VGLL4: variants seen among roughly 807,000 people sequenced by gnomAD.
VGLL4 encodes transcription cofactor vestigial-like protein 4.
In VGLL4, 7 loss-of-function variants were observed where a neutral mutation model predicts 21.0. The ratio of observed to expected loss-of-function variants is 0.33; its 90% CI spans 0.19 to 0.63. VGLL4 has a LOEUF of 0.63. Ranked by LOEUF, VGLL4 falls within the 20% of genes least tolerant of loss-of-function variation. VGLL4 has a pLI of 0.78. For synonymous variants in VGLL4, 222 were observed against 173.2 expected (o/e 1.28, Z -2.21); for missense variants, 394 against 425.7 (o/e 0.93, Z 0.66).
rs1264182714 is a variant in VGLL4, at chr3:11,649,894, TATTTG to T, written c.65-47877_65-47873del. 3.0e-4 allele frequency among the ~76,000 whole-genome samples: 40 copies of T among 134,996 alleles called. 1 individual carries two copies. Among genetic ancestry groups the T allele is most frequent in the African/African-American group, 1.2e-3 (38 of 31,872 alleles). 88.6% of individuals were successfully genotyped at this position (134,996 alleles called of 152,430 possible). On this transcript the variant is annotated intron_variant, in intron 2 of 5. Transcript: ENST00000273038. ...ACTCCCCCACAGCACACAAGTGCTC[TATTTG>T]GTTTGGTTTGGTTTGGTTTGGTTTG... is the stretch of plus-strand genomic sequence containing the variant.
intron 2 of VGLL4, among the ~76,000 whole-genome samples, chr3:11,594,535 C>T (rs1384959165): frequency 6.6e-6 from 1 of 152,206 alleles, no homozygotes; most frequent in African/African-American, 2.4e-5. Flanking sequence ...AGGTGACAAC[C>T]TCTTCATTTC....
chr3:11,637,983 T>C (rs2075619837), intron 1 of VGLL4, among the ~76,000 whole-genome samples: 1 of 152,224 alleles, frequency 6.6e-6, no homozygotes, highest in South Asian at 2.1e-4. Flanking sequence ...AAACGTCAGA[T>C]ACTTTGAGAT....
intron 2 of VGLL4, among the ~76,000 whole-genome samples, chr3:11,682,480 T>G (rs2076390158): frequency 6.7e-6 from 1 of 149,654 alleles, no homozygotes; most frequent in African/African-American, 2.5e-5. Context: ...CAGGAGGCTG[T>G]GACACAAGAA....
At position 11,714,503 on chromosome 3, in the gene VGLL4, C is replaced by A. The variant is rs762380552; in HGVS notation, c.-14+5891G>T. On this transcript the variant is annotated intron_variant, in intron 1 of 5. Transcript: ENST00000273038. ...GCCAGAGGTTCGAGTCCAGACTGGCCTACATGGTGAAATCCCATTTCTACT... is the reference window on the plus strand; with the variant it reads ...GCCAGAGGTTCGAGTCCAGACTGGCATACATGGTGAAATCCCATTTCTACT... Among the ~76,000 whole-genome samples the A allele has an allele frequency of 7.4e-5, 11 of 149,340 alleles. No individual in the cohort carries two copies. The South Asian group carries it at 2.3e-3, about 32-fold the overall frequency.
intron 2 of VGLL4, among the ~76,000 whole-genome samples, chr3:11,678,799 G>C (rs915774387): frequency 6.6e-6 from 1 of 152,200 alleles, no homozygotes; most frequent in Non-Finnish European, 1.5e-5. Context: ...TTCCTAAGAA[G>C]TGCCATCTAA....
intron 1 of VGLL4, among the ~76,000 whole-genome samples, chr3:11,711,222 T>C (rs1347873308): frequency 2.0e-5 from 3 of 151,476 alleles, no homozygotes; most frequent in Non-Finnish European, 4.4e-5. Context: ...CTGGGCAACA[T>C]GGCAAAACCT....
chr3:11,718,122 G>C (rs991397452), intron 1 of VGLL4, among the ~76,000 whole-genome samples: 3 of 152,316 alleles, frequency 2.0e-5, no homozygotes, highest in Admixed American at 6.5e-5. Flanking sequence ...GAAAGCAAAG[G>C]CAGGCTGCCC....
At chr3:11,621,146 T>C (rs1559905159) in intron 1 of VGLL4, among the ~76,000 whole-genome samples, 1 of 152,250 alleles carries the variant, frequency 6.6e-6, no homozygotes, top group Non-Finnish European at 1.5e-5. Flanking sequence ...TTCTCCACAT[T>C]AAGTCTCCAA....
chr3:11,565,069 G>A lies in VGLL4; in HGVS notation c.273-50C>T, dbSNP rs1179930372. 7.0e-7 allele frequency: 1 copy of A among 1,433,436 alleles called. No individual in the cohort carries two copies. Among genetic ancestry groups the A allele is most frequent in the Non-Finnish European group, 9.2e-7 (1 of 1,086,790 alleles). The allele number at this position is 1,433,436 out of a possible 1,614,324, so 88.8% of individuals were successfully genotyped here. ...GGGGGCGTTTTCTCAAAGGCAAAGG[G>A]GACAGTGACTGTGCGCCAGGCACTC... On this transcript the variant is annotated intron_variant, in intron 2 of 4. Coordinates refer to ENST00000430365, the MANE Select transcript of VGLL4 (RefSeq NM_001128219.3). This position sits in a 1 kb window ranked among gnomAD's most constrained non-coding sequence, Gnocchi z 4.1.
At chr3:11,622,780 C>G (rs756186649) in intron 1 of VGLL4, among the ~76,000 whole-genome samples, 3 of 152,100 alleles carry the variant, frequency 2.0e-5, no homozygotes, top group African/African-American at 4.8e-5. Flanking sequence ...ATTATGCTTT[C>G]GAGGGATTAT....
intron 1 of VGLL4, among the ~76,000 whole-genome samples, chr3:11,620,572 T>C (rs1006355318): frequency 1.3e-5 from 2 of 152,062 alleles, no homozygotes; most frequent in Non-Finnish European, 2.9e-5. Flanking sequence ...CTACCAAAAC[T>C]CTCCTTCTCT....
At chr3:11,685,036 T>C (rs1437636338) in intron 2 of VGLL4, among the ~76,000 whole-genome samples, 1 of 152,104 alleles carries the variant, frequency 6.6e-6, no homozygotes, top group Non-Finnish European at 1.5e-5. Context: ...CTTTGTGTCA[T>C]GAGTTCTCAT....
At chr3:11,717,151 T>C (rs1221871524) in intron 1 of VGLL4, among the ~76,000 whole-genome samples, 1 of 151,406 alleles carries the variant, frequency 6.6e-6, no homozygotes, top group Non-Finnish European at 1.5e-5. Context: ...GTCTATTTAG[T>C]AACATGTTTT....
At chr3:11,711,098 CAA>C (rs1273595685) in intron 1 of VGLL4, among the ~76,000 whole-genome samples, 1 of 131,988 alleles carries the variant, frequency 7.6e-6, no homozygotes, top group Non-Finnish European at 1.6e-5. Flanking sequence ...GACTCCATCT[CAA>C]AAAAAAAAAA....
At chr3:11,657,991 A>G (rs1424866788) in intron 2 of VGLL4, among the ~76,000 whole-genome samples, 1 of 143,644 alleles carries the variant, frequency 7.0e-6, no homozygotes, top group African/African-American at 2.6e-5. Flanking sequence ...AGTGGTATGA[A>G]CCCAGCTCAC....
At chr3:11,627,123 A>G (rs984564867) in intron 1 of VGLL4, among the ~76,000 whole-genome samples, 15 of 151,226 alleles carry the variant, frequency 9.9e-5, no homozygotes, top group African/African-American at 3.0e-4. Context: ...TCAGAATGAC[A>G]GAGAAAAAAC....
At chr3:11,654,675 C>T (rs891068224) in intron 2 of VGLL4, among the ~76,000 whole-genome samples, 4 of 152,194 alleles carry the variant, frequency 2.6e-5, no homozygotes, top group Non-Finnish European at 4.4e-5. Context: ...CCTCATCACA[C>T]GGTGATCTCT....
chr3:11,602,203 A>T (rs920042363), intron 1 of VGLL4, among the ~76,000 whole-genome samples, 181 bp from the exon 2 acceptor site: 1 of 152,198 alleles, frequency 6.6e-6, no homozygotes, highest in African/African-American at 2.4e-5. Flanking sequence ...GCTGCCAACC[A>T]TGAGACATTT....
chr3:11,670,891 G>T (rs891627799), intron 2 of VGLL4, among the ~76,000 whole-genome samples: 5 of 152,128 alleles, frequency 3.3e-5, no homozygotes, highest in African/African-American at 1.2e-4. Context: ...TACAAAATTA[G>T]CAAGGTGTGG....
Sources: allele counts gnomAD v4.1 joint callset (sites outside exome capture counted in the v4.1 genomes callset), GRCh38; gene constraint gnomAD v4.1.1; non-coding constraint Gnocchi (gnomAD v3.1); transcripts MANE v1.5; gene names NCBI Gene and HGNC (gene_info 2026-07-23, HGNC 2026-07-21).